STS: variants seen among roughly 807,000 people sequenced by gnomAD.
The protein encoded by STS is steroid sulfatase.
STS carries 7 observed loss-of-function variants against 26.8 expected under a neutral mutation model. That is an observed-to-expected ratio of 0.26 (90% CI 0.15 to 0.49). The LOEUF (loss-of-function observed/expected upper bound fraction) is 0.49. Ranked by LOEUF, STS falls within the 20% of genes least tolerant of loss-of-function variation. The pLI is 0.98. For missense variants in STS, 434 were observed against 465.6 expected (o/e 0.93, Z 0.63); for synonymous variants, 199 against 189.4 (o/e 1.05, Z -0.42).
chrX:7,196,236 T>C (rs1334429470), intron 2 of STS, among the ~76,000 whole-genome samples: 1 of 111,987 alleles, frequency 8.9e-6, no homozygotes, highest in Non-Finnish European at 1.9e-5. Context: ...AAAAGTATGG[T>C]AAACCAGGGT....
At position 7,219,701 on chromosome X, in the gene STS, C is replaced by A. The variant is rs749250770; in HGVS notation, c.-5+28693C>A. On this transcript the variant is annotated intron_variant, in intron 2 of 10. Transcript: ENST00000674429. ...ATGCCTTTAAGGTAAGCGTCTATTCCCCTGGCCAGGCTGGGAGTTTTTAAC... is the reference window on the plus strand; with the variant it reads ...ATGCCTTTAAGGTAAGCGTCTATTCACCTGGCCAGGCTGGGAGTTTTTAAC... 1.1e-5 allele frequency: 13 copies of A among 1,209,828 alleles called. No homozygotes were observed. In the African/African-American group the frequency reaches 2.3e-4, roughly 21 times the overall value.
intron 2 of STS, 130 bp from the exon 3 acceptor site, chrX:7,253,066 G>A (rs904958665): frequency 7.3e-5 from 54 of 743,794 alleles, no homozygotes; most frequent in Admixed American, 5.1e-4. Flanking sequence ...CAGGAGGATC[G>A]CTTAAACCCA....
intron 10 of STS, among the ~76,000 whole-genome samples, chrX:7,342,871 G>A (rs1464427065): frequency 2.7e-5 from 3 of 111,789 alleles, no homozygotes; most frequent in African/African-American, 9.8e-5. Flanking sequence ...TGAGGCATTA[G>A]TGTGGGGTAT....
At chrX:7,188,061 G>A (rs777426564) in intron 1 of STS, among the ~76,000 whole-genome samples, 12 of 112,109 alleles carry the variant, frequency 1.1e-4, no homozygotes, top group Non-Finnish European at 1.9e-4. Context: ...TTCTTGCTCT[G>A]TGACTACAGT....
intron 10 of STS, among the ~76,000 whole-genome samples, chrX:7,337,571 G>A (rs12116030): frequency 6.7e-4 from 75 of 112,096 alleles, no homozygotes; most frequent in African/African-American, 2.1e-3. Context: ...GAGGGTTGTC[G>A]CCTGACCTCA....
At chrX:7,256,264 G>A (rs1923403256) in intron 3 of STS, among the ~76,000 whole-genome samples, 1 of 111,957 alleles carries the variant, frequency 8.9e-6, no homozygotes, top group African/African-American at 3.3e-5. Flanking sequence ...AAAATGTTCA[G>A]CCAATCCATT....
At chrX:7,242,056 A>G (rs1450462318) in intron 2 of STS, among the ~76,000 whole-genome samples, 1 of 111,238 alleles carries the variant, frequency 9.0e-6, no homozygotes. Context: ...GATAGAGGTC[A>G]TAGTCTTTTA....
intron 2 of STS, among the ~76,000 whole-genome samples, chrX:7,218,343 T>A (rs2147046662): frequency 8.9e-6 from 1 of 112,686 alleles, no homozygotes; most frequent in African/African-American, 3.2e-5. Flanking sequence ...TGTTTTTGTG[T>A]TTTATCCTCC....
chrX:7,148,192 A>G lies in STS; in HGVS notation c.-134+109A>G, dbSNP rs867433683. The G allele has an allele frequency of 6.1e-6, 4 of 657,094 alleles. No homozygotes were observed. In the South Asian group the frequency reaches 1.1e-4, roughly 18 times the overall value. The allele number at this position is 657,094 out of a possible 1,213,427, so 54.2% of individuals were successfully genotyped here. ...CCCGCCCCGCGCACGCGCACTGAGG[A>G]CCTTCTCGCGCGCCCGGGGTCGCTC... On this transcript the variant is annotated intron_variant, in intron 1 of 10. Transcript: ENST00000674429.
chrX:7,325,279 G>C (rs1056777385), intron 8 of STS, 60 bp from the exon 9 acceptor site: 24 of 1,146,912 alleles, frequency 2.1e-5, no homozygotes, highest in African/African-American at 2.0e-4. Flanking sequence ...GTCCATTGAA[G>C]TGAGCATTGA....
chrX:7,345,938 T>A (rs1359809460), intron 10 of STS, among the ~76,000 whole-genome samples: 1 of 112,075 alleles, frequency 8.9e-6, no homozygotes, highest in Non-Finnish European at 1.9e-5. Flanking sequence ...GGGGCTTCCT[T>A]GCCAGGGCTC....
chrX:7,253,344 A>G lies in STS; in HGVS notation c.137+8A>G. 8.3e-7 allele frequency: 1 copy of G among 1,211,394 alleles called. No homozygotes were observed. The highest frequency in any genetic ancestry group is 1.1e-6 in the Non-Finnish European group (1 of 895,311). On this transcript the variant is annotated splice_region_variant and intron_variant, in intron 3 of 10. Transcript: ENST00000674429. ...TGGGAACAAAACTATCAGGTTGGTA[A>G]TGCAGCTCCTCAGTAAACACATGGC...
At chrX:7,285,327 C>CA (rs1350191055) in intron 7 of STS, among the ~76,000 whole-genome samples, 1 of 110,830 alleles carries the variant, frequency 9.0e-6, no homozygotes, top group Non-Finnish European at 1.9e-5. Flanking sequence ...TGAAGAATTC[C>CA]AAAAAATATA....
chrX:7,297,483 C>T (rs1311672658), intron 7 of STS, among the ~76,000 whole-genome samples: 5 of 111,370 alleles, frequency 4.5e-5, no homozygotes, highest in African/African-American at 1.3e-4. Context: ...AATCAGTTTC[C>T]GAATATCACA....
intron 2 of STS, among the ~76,000 whole-genome samples, chrX:7,249,838 G>A (rs1923051289): frequency 9.0e-6 from 1 of 111,321 alleles, no homozygotes; most frequent in African/African-American, 3.3e-5. Context: ...TGTATTACCT[G>A]AATATTATAT....
At chrX:7,345,444 T>C (rs1928484502) in intron 10 of STS, among the ~76,000 whole-genome samples, 2 of 111,579 alleles carry the variant, frequency 1.8e-5, no homozygotes, top group South Asian at 7.6e-4. Flanking sequence ...TCTAAATGGG[T>C]CCAGGTGCTG....
chrX:7,352,261 T>C lies in STS; in HGVS notation c.*2000T>C, dbSNP rs752700061. The C allele has an allele frequency of 8.9e-6, 1 of 112,494 alleles. No homozygotes were observed. The highest frequency in any genetic ancestry group is 9.5e-5 in the Admixed American group (1 of 10,546). 9.3% of individuals were successfully genotyped at this position (112,494 alleles called of 1,213,427 possible). A position where few individuals can be genotyped will look rare whatever the true frequency, so the allele number is the denominator to read the frequency against. On this transcript the variant is annotated 3_prime_UTR_variant, in exon 11 of 11. Coordinates refer to ENST00000674429, the MANE Select transcript of STS (RefSeq NM_001320752.2). ...AAGACTTTCTGAAAACACTTGATGA[T>C]GTGGAAATGCTGCAGGATTAAATAA...
rs761562110 is a variant in STS, at chrX:7,325,521, G to T, written c.1241+23G>T. 1.2e-5 allele frequency: 14 copies of T among 1,207,219 alleles called. No homozygotes were observed. The Admixed American group carries it at 1.7e-4, about 15-fold the overall frequency. On this transcript the variant is annotated intron_variant, in intron 9 of 10. Transcript: ENST00000674429. ...CAGGTACTCTGATGCCAGGGTGGTTGGTATTGTTGAGCTCTGATTTCACAG... is the reference window on the plus strand; with the variant it reads ...CAGGTACTCTGATGCCAGGGTGGTTTGTATTGTTGAGCTCTGATTTCACAG...
intron 9 of STS, among the ~76,000 whole-genome samples, chrX:7,328,553 TCA>T (rs1927590781): frequency 4.4e-5 from 3 of 68,724 alleles, no homozygotes; most frequent in Middle Eastern, 0.012. Flanking sequence ...CTTGCTGACC[TCA>T]TTTTTTTTTT....
Sources: gnomAD v4.1 joint callset for allele counts (sites outside exome capture counted in the v4.1 genomes callset) on GRCh38, gnomAD v4.1.1 for gene constraint, MANE v1.5 for transcripts, NCBI Gene and HGNC (gene_info 2026-07-23, HGNC 2026-07-21) for gene names.